The following NEBL variants were observed in gnomAD, a reference collection of about 807,000 sequenced individuals.
NEBL encodes the protein LIM and SH3 protein 2.
A neutral mutation model predicts 140.2 loss-of-function variants in NEBL; 122 were observed. The observed-to-expected ratio is 0.87, with a 90% CI of 0.75 to 1.01. The LOEUF is 1.01. Among genes scored for constraint, NEBL ranks in the 50% least tolerant of loss-of-function variants. The pLI is 0.00. For synonymous variants in NEBL, 436 were observed against 398.9 expected, an observed-to-expected ratio of 1.09 and a Z score of -1.11; for missense variants, 1,365 against 1,231.3, an observed-to-expected ratio of 1.11 and a Z score of -1.62.
intron 1 of NEBL, among the ~76,000 whole-genome samples, chr10:21,256,058 T>C (rs986864038): frequency 3.9e-5 from 6 of 152,092 alleles, no homozygotes; most frequent in African/African-American, 1.4e-4. Flanking sequence ...AATTCACTAC[T>C]GAAATTTATT....
intron 2 of NEBL, among the ~76,000 whole-genome samples, chr10:21,077,836 A>T (rs149565951): frequency 1.4e-4 from 22 of 152,162 alleles, no homozygotes; most frequent in Non-Finnish European, 2.9e-4. Context: ...CAACATTGTC[A>T]GGCACAGCAG....
chr10:21,107,352 A>C (rs1837767408), intron 2 of NEBL, among the ~76,000 whole-genome samples: 1 of 152,060 alleles, frequency 6.6e-6, no homozygotes, highest in Non-Finnish European at 1.5e-5. Flanking sequence ...ATCAATACCT[A>C]GTTTATTGAG....
At chr10:20,837,676 T>G (rs1212750388) in intron 13 of NEBL, among the ~76,000 whole-genome samples, 2 of 152,170 alleles carry the variant, frequency 1.3e-5, no homozygotes, top group East Asian at 3.9e-4. Flanking sequence ...CATCTAGGAC[T>G]TCCATAGCTA....
At chr10:20,970,873 A>G (rs1406923310) in intron 3 of NEBL, among the ~76,000 whole-genome samples, 8 of 152,206 alleles carry the variant, frequency 5.3e-5, no homozygotes, top group African/African-American at 1.7e-4. Flanking sequence ...GACAAGGAAA[A>G]AAATGCCAAA....
intron 2 of NEBL, among the ~76,000 whole-genome samples, chr10:21,104,538 C>G (rs976742124): frequency 2.0e-5 from 3 of 152,094 alleles, no homozygotes; most frequent in African/African-American, 7.3e-5. Flanking sequence ...TTGCTTATTG[C>G]CAGTACATAG....
chr10:21,036,064 G>A (rs966418322), intron 2 of NEBL, among the ~76,000 whole-genome samples: 5 of 152,070 alleles, frequency 3.3e-5, no homozygotes, highest in African/African-American at 9.7e-5. Context: ...TCAGGGAGCC[G>A]AGGCAGGAGA....
At chr10:21,269,235 G>A (rs941736382) in intron 1 of NEBL, among the ~76,000 whole-genome samples, 3 of 152,192 alleles carry the variant, frequency 2.0e-5, no homozygotes, top group Admixed American at 2.0e-4. Flanking sequence ...GGTTGGTTGT[G>A]TACAACAACA....
At chr10:21,081,917 C>T (rs924313669) in intron 2 of NEBL, among the ~76,000 whole-genome samples, 5 of 151,918 alleles carry the variant, frequency 3.3e-5, no homozygotes, top group African/African-American at 9.7e-5. Flanking sequence ...GAAGTCTATA[C>T]CAATAAAAAT....
At chr10:20,964,626 C>A (rs1314371930) in intron 3 of NEBL, among the ~76,000 whole-genome samples, 1 of 152,156 alleles carries the variant, frequency 6.6e-6, no homozygotes, top group Admixed American at 6.5e-5. Context: ...TGCATACCTT[C>A]AATGCTCAGG....
intron 1 of NEBL, among the ~76,000 whole-genome samples, chr10:21,264,696 TAAAAAAAAAAAAA>T (rs71392177): frequency 1.1e-3 from 34 of 30,720 alleles, no homozygotes; most frequent in East Asian, 5.0e-3. Context: ...AGTTGCTATT[TAAAAAAAAAAAAA>T]AAAAAAAAAA....
At chr10:20,998,252 G>A (rs998849123) in intron 3 of NEBL, among the ~76,000 whole-genome samples, 18 of 152,144 alleles carry the variant, frequency 1.2e-4, no homozygotes, top group Admixed American at 5.9e-4. Flanking sequence ...CTGAGTAGCC[G>A]TGTGGCCTCA....
At chr10:21,012,206 C>T (rs903966993) in intron 3 of NEBL, among the ~76,000 whole-genome samples, 3 of 152,148 alleles carry the variant, frequency 2.0e-5, no homozygotes, top group Admixed American at 2.0e-4. Context: ...AGGTGCCCCC[C>T]TTCAAGTGGG....
chr10:20,861,498 C>T (rs1226743730), intron 7 of NEBL, among the ~76,000 whole-genome samples: 1 of 152,118 alleles, frequency 6.6e-6, no homozygotes, highest in Admixed American at 6.6e-5. Context: ...TTGCCCTCTT[C>T]ACCCTTCTGC....
At chr10:20,962,404 T>C (rs1027053579) in intron 3 of NEBL, among the ~76,000 whole-genome samples, 1 of 152,262 alleles carries the variant, frequency 6.6e-6, no homozygotes, top group Non-Finnish European at 1.5e-5. Context: ...ATGAAAATAT[T>C]TATAAAATAG....
chr10:21,246,627 C>T (rs1265857148), intron 3 of NEBL, among the ~76,000 whole-genome samples: 1 of 151,720 alleles, frequency 6.6e-6, no homozygotes. Flanking sequence ...AGGAGGATCA[C>T]CTGAGGCCAG....
At chr10:21,264,930 A>ATTTTAT (rs1394452473) in intron 1 of NEBL, among the ~76,000 whole-genome samples, 62 of 151,380 alleles carry the variant, frequency 4.1e-4, no homozygotes, top group Middle Eastern at 3.4e-3. Flanking sequence ...CTTTTATTTT[A>ATTTTAT]TTTTATTTTT....
At chr10:21,188,680 A>C (rs1157276346) in intron 3 of NEBL, among the ~76,000 whole-genome samples, 1 of 148,954 alleles carries the variant, frequency 6.7e-6, no homozygotes, top group Non-Finnish European at 1.5e-5. Context: ...AGCTCACTGC[A>C]ACCTCCGCCT....
intron 2 of NEBL, among the ~76,000 whole-genome samples, chr10:21,163,207 T>A (rs1025687505): frequency 6.6e-6 from 1 of 152,126 alleles, no homozygotes; most frequent in African/African-American, 2.4e-5. Flanking sequence ...GAAACCCAGT[T>A]TTTTTTCCTA....
At chr10:21,279,289 A>AATT (rs1554836315) in intron 1 of NEBL, among the ~76,000 whole-genome samples, 3,282 of 131,834 alleles carry the variant, frequency 0.025, 69 homozygotes, top group African/African-American at 0.029. Flanking sequence ...TATTTTTTCA[A>AATT]TTTTTTTTTT....
Sources: gnomAD v4.1 joint callset for allele counts (sites outside exome capture counted in the v4.1 genomes callset) on GRCh38, gnomAD v4.1.1 for gene constraint, MANE v1.5 for transcripts, NCBI Gene and HGNC (gene_info 2026-07-23, HGNC 2026-07-21) for gene names.